Variants in MTERF4 observed in about 807,000 individuals in gnomAD.
MTERF4 encodes the protein mitochondrial transcription termination factor 4.
In MTERF4, 17 loss-of-function variants were observed where a neutral mutation model predicts 22.5. The ratio of observed to expected loss-of-function variants is 0.75; its 90% CI spans 0.52 to 1.13. MTERF4 has a LOEUF of 1.13. MTERF4 is among the 50% of genes most tolerant of loss of function. The pLI, the probability that MTERF4 is intolerant of heterozygous loss-of-function variation, is 0.00. For missense variants in MTERF4, 420 were observed against 466.8 expected (o/e 0.90, Z 0.92); for synonymous variants, 165 against 175.3 (o/e 0.94, Z 0.47).
At chr2:241,053,238 A>G in the MTERF4 span, 1 of 1,608,828 alleles carries the variant, frequency 6.2e-7, no homozygotes. Context: ...CCCTGTATGC[A>G]TGTGACCGTG....
At position 241,075,889 on chromosome 2, in the gene MTERF4, T is replaced by G. The variant is rs2062997453; in HGVS notation, n.480-207A>C. On this transcript the variant is annotated intron_variant and non_coding_transcript_variant, in intron 4 of 4. Transcript: ENST00000464344. This position sits in a 1 kb window ranked among gnomAD's most constrained non-coding sequence, Gnocchi z 4.8. Reference sequence around the variant, plus strand: ...TGTGAGAAGTTGGGCTACAATTTCATTTTTTATGCATATGGGTAAACTGGA... The same window carrying G: ...TGTGAGAAGTTGGGCTACAATTTCAGTTTTTATGCATATGGGTAAACTGGA... Among the ~76,000 whole-genome samples the G allele has an allele frequency of 6.6e-6, 1 of 152,242 alleles. No individual in the cohort carries two copies. Among genetic ancestry groups the G allele is most frequent in the African/African-American group, 2.4e-5 (1 of 41,460 alleles).
At chr2:241,067,801 G>A (rs754934238), downstream of MTERF4, 1 of 1,612,210 alleles carries the variant, frequency 6.2e-7, no homozygotes, top group South Asian at 1.1e-5. Context: ...TCACCAATGT[G>A]ACGGCTAGCA....
the MTERF4 span, chr2:241,065,216 C>A: frequency 1.4e-6 from 2 of 1,451,240 alleles, no homozygotes; most frequent in South Asian, 2.5e-5. Context: ...GAGCCAGACC[C>A]GGCTGAGCCG....
intron 2 of MTERF4, among the ~76,000 whole-genome samples, chr2:241,098,530 T>C (rs1241367509): frequency 6.6e-6 from 1 of 152,158 alleles, no homozygotes; most frequent in East Asian, 1.9e-4. Flanking sequence ...ACTTTGAGCA[T>C]CCTTGAGATG....
At chr2:241,082,415 CTCCTCAAAGTG>C, downstream of MTERF4, 1 of 1,417,064 alleles carries the variant, frequency 7.1e-7, no homozygotes, top group Non-Finnish European at 9.9e-7. Context: ...GTGTTCTTGA[CTCCTCAAAGTG>C]CTGTCTCAAA....
At chr2:241,057,906 G>T in the MTERF4 span, among the ~76,000 whole-genome samples, 16 of 152,278 alleles carry the variant, frequency 1.1e-4, no homozygotes, top group African/African-American at 3.8e-4. Context: ...GGTAAGACTT[G>T]TCACTATCCA....
chr2:241,086,874 A>G (rs1449340622), downstream of MTERF4, among the ~76,000 whole-genome samples: 1 of 152,250 alleles, frequency 6.6e-6, no homozygotes. Flanking sequence ...TTTACCTGCA[A>G]CCGAGGCTTA....
downstream of MTERF4, among the ~76,000 whole-genome samples, chr2:241,091,204 A>G (rs1365233577): frequency 6.6e-6 from 1 of 152,206 alleles, no homozygotes; most frequent in Admixed American, 6.5e-5. The surrounding 1 kb of genome is among the most constrained non-coding windows in gnomAD (Gnocchi z 4.1). Flanking sequence ...ACAGAAACAC[A>G]CGCACCCAGA....
chr2:241,082,487 CTTGCTTTG>C (rs2063377259), downstream of MTERF4: 1 of 678,530 alleles, frequency 1.5e-6, no homozygotes, highest in East Asian at 2.6e-5. Context: ...ACAGAAGGGA[CTTGCTTTG>C]ACCATCGATT....
intron 1 of MTERF4, 31 bp downstream of exon 1, chr2:241,102,222 G>A (rs1438042396): frequency 1.3e-6 from 2 of 1,548,244 alleles, no homozygotes; most frequent in Non-Finnish European, 8.7e-7. Flanking sequence ...CCTGCGACCC[G>A]GAGAAGCCCG....
the MTERF4 span, chr2:241,051,936 C>T: frequency 1.4e-6 from 2 of 1,471,014 alleles, no homozygotes; most frequent in Non-Finnish European, 1.9e-6. This position sits in a 1 kb window ranked among gnomAD's most constrained non-coding sequence, Gnocchi z 4.7. Context: ...TGCACCCTCC[C>T]TGCCAGCTGT....
At chr2:241,079,508 T>C (rs1027938657) in intron 4 of MTERF4, among the ~76,000 whole-genome samples, 3 of 152,068 alleles carry the variant, frequency 2.0e-5, no homozygotes, top group Non-Finnish European at 4.4e-5. Flanking sequence ...TTTGTCCTCA[T>C]TTTAATAAAG....
At chr2:241,088,492 C>A, downstream of MTERF4, 2 of 1,045,642 alleles carry the variant, frequency 1.9e-6, no homozygotes, top group African/African-American at 3.1e-5. Context: ...AGTGCCGCTG[C>A]CTGCTTACTC....
downstream of MTERF4, among the ~76,000 whole-genome samples, chr2:241,083,909 G>GTTTTCTATTTTTCCCACCTTTT (rs141463303): frequency 0.074 from 11,157 of 151,620 alleles, 443 homozygotes; most frequent in East Asian, 0.12. Context: ...ATTACTATTT[G>GTTTTCTATTTTTCCCACCTTTT]TTTTCTATTT....
At chr2:241,078,010 T>C (rs2063110689) in intron 4 of MTERF4, among the ~76,000 whole-genome samples, 1 of 152,142 alleles carries the variant, frequency 6.6e-6, no homozygotes, top group South Asian at 2.1e-4. Flanking sequence ...TATGTCCACA[T>C]GAGGTCCTGT....
chr2:241,068,063 C>CAGGTGAGGAGCGG, downstream of MTERF4: 1 of 986,892 alleles, frequency 1.0e-6, no homozygotes, highest in Non-Finnish European at 1.5e-6. This position sits in a 1 kb window ranked among gnomAD's most constrained non-coding sequence, Gnocchi z 5.3. Flanking sequence ...ACCTGCCGCT[C>CAGGTGAGGAGCGG]CTCACCTGAG....
chr2:241,068,351 G>A (rs544792834), downstream of MTERF4, among the ~76,000 whole-genome samples: 78 of 145,086 alleles, frequency 5.4e-4, 1 homozygote, highest in Middle Eastern at 0.01. This position sits in a 1 kb window ranked among gnomAD's most constrained non-coding sequence, Gnocchi z 5.3. Flanking sequence ...CGGCCAGCGA[G>A]GGTAGATGGT....
intron 2 of MTERF4, among the ~76,000 whole-genome samples, chr2:241,098,719 C>T (rs1315425505): frequency 6.6e-6 from 1 of 152,184 alleles, no homozygotes; most frequent in Non-Finnish European, 1.5e-5. Context: ...GCACTAAGAC[C>T]ATTTCATGTT....
At chr2:241,069,724 G>A (rs62187369), downstream of MTERF4, among the ~76,000 whole-genome samples, 10,093 of 152,168 alleles carry the variant, frequency 0.066, 430 homozygotes, top group East Asian at 0.15. The surrounding 1 kb of genome is among the most constrained non-coding windows in gnomAD (Gnocchi z 4.9). Context: ...GCAACCAGGG[G>A]CCTGCAGGTC....
Sources: gnomAD v4.1 joint callset for allele counts (sites outside exome capture counted in the v4.1 genomes callset) on GRCh38, gnomAD v4.1.1 for gene constraint, Gnocchi (gnomAD v3.1) non-coding constraint, MANE v1.5 for transcripts, NCBI Gene and HGNC (gene_info 2026-07-23, HGNC 2026-07-21) for gene names.